The following ZNF787 variants were observed in gnomAD, a reference collection of about 807,000 sequenced individuals.
ZNF787 encodes the protein zinc finger protein 787, also known as TTF-I-interacting peptide 20.
A neutral mutation model predicts 16.9 loss-of-function variants in ZNF787; 7 were observed. That is an observed-to-expected ratio of 0.42 (90% CI 0.24 to 0.78). ZNF787 has a LOEUF of 0.78. ZNF787 is among the 30% of genes least tolerant of loss of function. The pLI is 0.30. For missense variants in ZNF787, 551 were observed against 589.3 expected (o/e 0.94, Z 0.67); for synonymous variants, 345 against 270.9 (o/e 1.27, Z -2.69).
At chr19:56,089,630 C>T (rs1335079371) in intron 2 of ZNF787, among the ~76,000 whole-genome samples, 1 of 152,150 alleles carries the variant, frequency 6.6e-6, no homozygotes, top group Admixed American at 6.5e-5. Context: ...ACAATCCTGG[C>T]TGCAGACAGG....
chr19:56,095,922 G>A (rs978505660), intron 2 of ZNF787, among the ~76,000 whole-genome samples: 10 of 152,276 alleles, frequency 6.6e-5, no homozygotes, highest in East Asian at 1.9e-4. Context: ...CACAGGCCTC[G>A]GTGGTTTATC....
At position 56,088,470 on chromosome 19, in the gene ZNF787, G is replaced by A. The variant is rs1253278393; in HGVS notation, c.702C>T (p.Ala234=). The A allele has an allele frequency of 2.3e-6, 3 of 1,329,134 alleles. No homozygotes were observed. The highest frequency in any genetic ancestry group is 1.7e-5 in the South Asian group (1 of 59,414). 82.3% of individuals were successfully genotyped at this position (1,329,134 alleles called of 1,614,324 possible). Residue 234 remains alanine, a synonymous_variant, in exon 3 of 3, where the codon GCC becomes GCT. Coordinates refer to ENST00000610935, the MANE Select transcript of ZNF787 (RefSeq NM_001002836.4). This position sits in a 1 kb window ranked among gnomAD's most constrained non-coding sequence, Gnocchi z 8.6. ...EEAVAADGEI[A]IPVGDGEGII... is the part of the protein sequence containing the mutation. ...TGCCCTCGCCATCGCCCACGGGGAT[G>A]GCGATCTCGCCGTCCGCCGCCACCG...
intron 2 of ZNF787, among the ~76,000 whole-genome samples, chr19:56,089,432 C>G (rs1985486397): frequency 6.6e-6 from 1 of 152,130 alleles, no homozygotes; most frequent in African/African-American, 2.4e-5. Flanking sequence ...ACCCCGAAAC[C>G]CAAAACACCA....
rs1297474616 is a variant in ZNF787 at position 56,087,920 on chromosome 19, C to T, written c.*103G>A. 57 of 1,281,164 alleles carry T rather than the reference C, an allele frequency of 4.4e-5. No individual in the cohort carries two copies. Among genetic ancestry groups the T allele is most frequent in the Non-Finnish European group, 4.9e-5 (50 of 1,014,462 alleles). 79.4% of individuals were successfully genotyped at this position (1,281,164 alleles called of 1,614,324 possible). A position where few individuals can be genotyped will look rare whatever the true frequency, so the allele number is the denominator to read the frequency against. ...CGGGGAGCCGGGGATGCCGCGGGGT[C>T]CATCGCACCCCGTCCGCTTCTCCCT... is the stretch of plus-strand genomic sequence containing the variant. On this transcript the variant is annotated 3_prime_UTR_variant, in exon 3 of 3. Transcript: ENST00000610935.
rs73934684 is a variant in ZNF787 at position 56,119,852 on chromosome 19, G to A, written c.-11+1320C>T. ...AATGTCAGCAGCGTTTAGCCAAAGA[G>A]GCTTACGGTCTTCAGAGGAGCTAAG... is the stretch of plus-strand genomic sequence containing the variant. On this transcript the variant is annotated intron_variant, in intron 1 of 2. Transcript: ENST00000610935. 2.2e-3 allele frequency among the ~76,000 whole-genome samples: 332 copies of A among 152,356 alleles called. 1 individual carries two copies. Among genetic ancestry groups the A allele is most frequent in the African/African-American group, 7.6e-3 (317 of 41,572 alleles).
At chr19:56,111,833 C>T (rs1169115858) in intron 1 of ZNF787, among the ~76,000 whole-genome samples, 1 of 152,154 alleles carries the variant, frequency 6.6e-6, no homozygotes, top group African/African-American at 2.4e-5. Flanking sequence ...GCGTCATCAC[C>T]GGCTCTGCCA....
At chr19:56,089,235 G>A (rs1599936877) in intron 2 of ZNF787, 143 bp from the exon 3 acceptor site, 3 of 509,896 alleles carry the variant, frequency 5.9e-6, no homozygotes, top group East Asian at 3.4e-5. Context: ...ATCACTCCCT[G>A]CATTTTACTA....
At chr19:56,089,512 G>A (rs913117925) in intron 2 of ZNF787, among the ~76,000 whole-genome samples, 1 of 152,180 alleles carries the variant, frequency 6.6e-6, no homozygotes, top group African/African-American at 2.4e-5. Context: ...AGGGGCCGCA[G>A]GGCTTGAATG....
chr19:56,106,108 C>T (rs1434396416), intron 1 of ZNF787, among the ~76,000 whole-genome samples: 12 of 152,028 alleles, frequency 7.9e-5, no homozygotes, highest in South Asian at 2.1e-4. Context: ...TCCGCGCCCA[C>T]GGCAGTCACC....
At chr19:56,113,611 C>G (rs944257409) in intron 1 of ZNF787, among the ~76,000 whole-genome samples, 2 of 152,078 alleles carry the variant, frequency 1.3e-5, no homozygotes, top group African/African-American at 4.8e-5. Context: ...CAGAACAGCA[C>G]GATTCTATTT....
At chr19:56,113,723 C>G (rs1218135349) in intron 1 of ZNF787, among the ~76,000 whole-genome samples, 1 of 151,812 alleles carries the variant, frequency 6.6e-6, no homozygotes, top group East Asian at 1.9e-4. Flanking sequence ...GGAGGGACTG[C>G]TGAAGATGCA....
chr19:56,095,039 G>A lies in ZNF787; in HGVS notation c.80-5947C>T, dbSNP rs767033709. Among the ~76,000 whole-genome samples the A allele has an allele frequency of 1.3e-3, 193 of 152,284 alleles. 1 individual carries two copies. Among genetic ancestry groups the A allele is most frequent in the Non-Finnish European group, 2.0e-3 (139 of 68,012 alleles). On this transcript the variant is annotated intron_variant, in intron 2 of 2. Transcript: ENST00000610935. The stretch of plus-strand genomic sequence containing the variant: ...TGAGGCAGGAGAATCACTTGAACCC[G>A]AGAGGTGGAGGTTGCAGTGAGCCAA...
At chr19:56,095,403 T>C (rs1353411941) in intron 2 of ZNF787, among the ~76,000 whole-genome samples, 1 of 152,128 alleles carries the variant, frequency 6.6e-6, no homozygotes, top group Non-Finnish European at 1.5e-5. Context: ...ATCTTTTTTA[T>C]TATAATCACT....
chr19:56,091,978 G>A (rs1396354897), intron 2 of ZNF787, among the ~76,000 whole-genome samples: 14 of 143,196 alleles, frequency 9.8e-5, no homozygotes, highest in African/African-American at 3.6e-4. Flanking sequence ...AGCCAAAGCC[G>A]AAGGCGAAAC....
At chr19:56,111,488 C>G (rs2123424878) in intron 1 of ZNF787, among the ~76,000 whole-genome samples, 2 of 152,310 alleles carry the variant, frequency 1.3e-5, no homozygotes, top group South Asian at 4.1e-4. Context: ...ACAAAACACC[C>G]TGGCCGACCC....
In ZNF787 at chr19:56,088,009, C is replaced by G. The variant is rs1018464989; in HGVS notation, c.*14G>C. On this transcript the variant is annotated 3_prime_UTR_variant, in exon 3 of 3. Transcript: ENST00000610935. The surrounding 1 kb of genome is among the most constrained non-coding windows in gnomAD (Gnocchi z 8.6). ...CCGAGGGGCCCTGCCCGCCCCCCCCCCCGGGCCCCTCCCCTACCGGCCCTC... is the reference window on the plus strand; with the variant it reads ...CCGAGGGGCCCTGCCCGCCCCCCCCGCCGGGCCCCTCCCCTACCGGCCCTC... 1.7e-6 allele frequency: 2 copies of G among 1,211,644 alleles called. No homozygotes were observed. The highest frequency in any genetic ancestry group is 2.1e-6 in the Non-Finnish European group (2 of 971,542). 75.1% of individuals were successfully genotyped at this position (1,211,644 alleles called of 1,614,324 possible).
At chr19:56,108,142 G>A (rs951598389) in intron 1 of ZNF787, among the ~76,000 whole-genome samples, 2 of 151,966 alleles carry the variant, frequency 1.3e-5, no homozygotes, top group Non-Finnish European at 2.9e-5. Context: ...AGACTCCCAG[G>A]AGACTCTCTC....
intron 1 of ZNF787, among the ~76,000 whole-genome samples, chr19:56,113,425 T>G (rs1047036423): frequency 6.6e-6 from 1 of 152,194 alleles, no homozygotes; most frequent in African/African-American, 2.4e-5. Flanking sequence ...ACACGAATGT[T>G]CACAGAAGCA....
In ZNF787 at chr19:56,095,011, G is replaced by A. The variant is rs149206293; in HGVS notation, c.80-5919C>T. On this transcript the variant is annotated intron_variant, in intron 2 of 2. Coordinates refer to ENST00000610935, the MANE Select transcript of ZNF787 (RefSeq NM_001002836.4). Reference sequence around the variant, plus strand: ...TGCCCGTAATCCCAACTACTCGGGAGGTTGAGGCAGGAGAATCACTTGAAC... The same window carrying A: ...TGCCCGTAATCCCAACTACTCGGGAAGTTGAGGCAGGAGAATCACTTGAAC... Among the ~76,000 whole-genome samples, 546 of 152,342 alleles carry A rather than the reference G, an allele frequency of 3.6e-3. 1 individual carries two copies. Among genetic ancestry groups the A allele is most frequent in the African/African-American group, 0.012 (514 of 41,578 alleles).
Sources: allele counts gnomAD v4.1 joint callset (sites outside exome capture counted in the v4.1 genomes callset), GRCh38; gene constraint gnomAD v4.1.1; non-coding constraint Gnocchi (gnomAD v3.1); transcripts MANE v1.5; gene names NCBI Gene and HGNC (gene_info 2026-07-23, HGNC 2026-07-21).